The following THADA variants were observed in gnomAD, a reference collection of about 807,000 sequenced individuals.
THADA encodes the protein THADA armadillo repeat containing, also known as tRNA (32-2'-O)-methyltransferase regulator THADA.
Under a neutral mutation model 219.8 loss-of-function variants are expected in THADA, and 213 were observed. That is an observed-to-expected ratio of 0.97 (90% CI 0.87 to 1.09). The LOEUF is 1.09. Ranked by LOEUF, THADA falls within the 50% of genes least tolerant of loss-of-function variation. The pLI is 0.00. For synonymous variants in THADA, 1,018 were observed against 828.9 expected (o/e 1.23, Z -3.92); for missense variants, 2,956 against 2,311.3 (o/e 1.28, Z -5.72).
At chr2:43,524,696 G>A (rs1692938352) in intron 22 of THADA, among the ~76,000 whole-genome samples, 1 of 152,184 alleles carries the variant, frequency 6.6e-6, no homozygotes, top group Admixed American at 6.5e-5. Context: ...GATTTGAAAT[G>A]TCTCTAAAGG....
intron 26 of THADA, among the ~76,000 whole-genome samples, chr2:43,445,046 CAATA>C (rs1681343958): frequency 1.3e-5 from 2 of 151,996 alleles, no homozygotes; most frequent in African/African-American, 4.8e-5. Context: ...ATCGGGAAGC[CAATA>C]AACTATTAAA....
intron 28 of THADA, among the ~76,000 whole-genome samples, chr2:43,406,734 C>T (rs1276449268): frequency 2.6e-5 from 4 of 152,158 alleles, no homozygotes; most frequent in Admixed American, 2.6e-4. Context: ...ATCTTCCCTC[C>T]CAGCCTATCT....
At chr2:43,326,926 T>C (rs1381207819) in intron 30 of THADA, among the ~76,000 whole-genome samples, 7 of 152,048 alleles carry the variant, frequency 4.6e-5, no homozygotes, top group Admixed American at 6.5e-5. Context: ...TCTGTTAAGG[T>C]CTCTAAGACA....
At chr2:43,265,494 T>C (rs1394177542) in intron 36 of THADA, among the ~76,000 whole-genome samples, 1 of 152,122 alleles carries the variant, frequency 6.6e-6, no homozygotes, top group African/African-American at 2.4e-5. Flanking sequence ...GCCGGGCCCT[T>C]TCCTAAGTTC....
At chr2:43,280,491 G>C (rs1313765698) in intron 35 of THADA, among the ~76,000 whole-genome samples, 4 of 152,094 alleles carry the variant, frequency 2.6e-5, no homozygotes, top group African/African-American at 9.7e-5. Context: ...AATTAGCTGG[G>C]CGTGGTGACG....
chr2:43,426,070 T>C (rs1282070889), intron 28 of THADA, among the ~76,000 whole-genome samples: 1 of 152,216 alleles, frequency 6.6e-6, no homozygotes, highest in Non-Finnish European at 1.5e-5. Flanking sequence ...TGCAAACTTC[T>C]TACTTTGTAT....
intron 30 of THADA, among the ~76,000 whole-genome samples, chr2:43,329,752 C>T (rs1001527324): frequency 3.3e-5 from 5 of 152,108 alleles, no homozygotes; most frequent in Admixed American, 6.5e-5. Flanking sequence ...AGACATTGGG[C>T]CAAGCAATTA....
In THADA at chr2:43,451,604, A is replaced by AT. The variant is rs577856444; in HGVS notation, c.3837-21303dup. 2.9e-4 allele frequency among the ~76,000 whole-genome samples: 44 copies of AT among 151,982 alleles called. 1 individual carries two copies. In the East Asian group the frequency reaches 4.3e-3, roughly 15 times the overall value. ...AGTAAATATTTGCTATCTTCTTGCT[A>AT]TTTTTTTTAGAACTTCCCACAAATC... On this transcript the variant is annotated intron_variant, in intron 26 of 37. Transcript: ENST00000405975.
At chr2:43,562,906 TAATAG>T (rs1698239630) in intron 15 of THADA, 1 of 152,356 alleles carries the variant, frequency 6.6e-6, no homozygotes, top group Admixed American at 6.5e-5. Flanking sequence ...TCTGCAAACT[TAATAG>T]AAATGTTCCT....
intron 29 of THADA, among the ~76,000 whole-genome samples, chr2:43,372,499 G>T (rs561267914): frequency 6.6e-6 from 1 of 152,156 alleles, no homozygotes; most frequent in African/African-American, 2.4e-5. Context: ...CAGGTGAAGT[G>T]GCCATTAAAC....
intron 25 of THADA, among the ~76,000 whole-genome samples, chr2:43,494,622 C>G (rs1323521810): frequency 6.6e-6 from 1 of 152,082 alleles, no homozygotes; most frequent in Non-Finnish European, 1.5e-5. Flanking sequence ...ACCTGGATAA[C>G]AGAAGCTACT....
At chr2:43,297,221 C>G (rs1675537943) in intron 31 of THADA, among the ~76,000 whole-genome samples, 1 of 106,680 alleles carries the variant, frequency 9.4e-6, no homozygotes. Context: ...AGCGCCTCTG[C>G]CCGGCCGAGA....
Position 43,381,097 on chromosome 2 carries a change from C to CAAAAAAAA in THADA, c.4227+16866_4227+16873dup, listed in dbSNP as rs58711910. ...CGGGCGAGACAGAGCGAGACTTTGT[C>CAAAAAAAA]AAAAAAAAAAAAAAAAAAAAAAAAG... On this transcript the variant is annotated intron_variant, in intron 29 of 37. Transcript: ENST00000405975. Among the ~76,000 whole-genome samples, 113 of 54,376 alleles carry CAAAAAAAA rather than the reference C, an allele frequency of 2.1e-3. 1 individual carries two copies. Among genetic ancestry groups the CAAAAAAAA allele is most frequent in the African/African-American group, 4.5e-3 (54 of 12,096 alleles). The allele number at this position is 54,376 out of a possible 152,430, so 35.7% of individuals were successfully genotyped here. A position where few individuals can be genotyped will look rare whatever the true frequency, so the allele number is the denominator to read the frequency against.
At chr2:43,486,385 G>C (rs1366248013) in intron 25 of THADA, 5 of 152,042 alleles carry the variant, frequency 3.3e-5, no homozygotes, top group Non-Finnish European at 7.4e-5. Context: ...TGGCACTATA[G>C]GCTTCCTCAA....
At chr2:43,366,532 G>A (rs1670176682) in intron 29 of THADA, among the ~76,000 whole-genome samples, 1 of 152,126 alleles carries the variant, frequency 6.6e-6, no homozygotes, top group Admixed American at 6.5e-5. Context: ...ATGAAGGTGG[G>A]GAAGAGAGGA....
chr2:43,348,139 T>G (rs1291828199), intron 29 of THADA, among the ~76,000 whole-genome samples: 1 of 152,186 alleles, frequency 6.6e-6, no homozygotes, highest in Non-Finnish European at 1.5e-5. Flanking sequence ...AAATCAACCT[T>G]TATGAATTGG....
At chr2:43,291,993 T>C in intron 33 of THADA, 111 bp downstream of exon 33, 2 of 798,592 alleles carry the variant, frequency 2.5e-6, no homozygotes, top group South Asian at 3.9e-5. Flanking sequence ...AGGTTTAGAA[T>C]GAAATACAGG....
chr2:43,358,172 T>G (rs118120643), intron 29 of THADA, among the ~76,000 whole-genome samples: 43 of 152,306 alleles, frequency 2.8e-4, no homozygotes, highest in Admixed American at 1.8e-3. Flanking sequence ...ACAATCAAGA[T>G]ACAGGACTGT....
intron 36 of THADA, among the ~76,000 whole-genome samples, chr2:43,241,116 G>A (rs1463456543): frequency 8.6e-5 from 13 of 151,992 alleles, no homozygotes; most frequent in African/African-American, 2.7e-4. Flanking sequence ...TTTTGAGACA[G>A]GGTCTCACTC....
Sources: allele counts gnomAD v4.1 joint callset (sites outside exome capture counted in the v4.1 genomes callset), GRCh38; gene constraint gnomAD v4.1.1; transcripts MANE v1.5; gene names NCBI Gene and HGNC (gene_info 2026-07-23, HGNC 2026-07-21).